Variants in WDR70 observed in about 807,000 individuals in gnomAD.
WDR70 encodes the protein WD repeat-containing protein 70.
WDR70 carries 53 observed loss-of-function variants against 88.6 expected under a neutral mutation model. That is an observed-to-expected ratio of 0.60 (90% confidence interval 0.48 to 0.75). WDR70 has a LOEUF of 0.75. WDR70 is among the 30% of genes least tolerant of loss of function. The pLI is 0.00. For missense variants in WDR70, 610 were observed against 823.2 expected (o/e 0.74, Z 3.17); for synonymous variants, 280 against 270.0 (o/e 1.04, Z -0.36).
chr5:37,451,829 A>G (rs1418539803), intron 7 of WDR70, among the ~76,000 whole-genome samples: 2 of 152,112 alleles, frequency 1.3e-5, no homozygotes, highest in Non-Finnish European at 2.9e-5. Context: ...CCCCATCTCT[A>G]CTAAAAATAC....
intron 9 of WDR70, among the ~76,000 whole-genome samples, chr5:37,557,960 A>AAAACTCTTCAAAAGAGTAC (rs1561900824): frequency 5.6e-5 from 1 of 17,816 alleles, no homozygotes; most frequent in Non-Finnish European, 1.2e-4. Flanking sequence ...AAAGAGTATT[A>AAAACTCTTCAAAAGAGTAC]TGTATATTTA....
intron 9 of WDR70, among the ~76,000 whole-genome samples, chr5:37,580,952 G>T (rs1402197963): frequency 6.6e-6 from 1 of 152,192 alleles, no homozygotes; most frequent in African/African-American, 2.4e-5. Context: ...CCATGGGAAG[G>T]TTAGGGTGAA....
At chr5:37,480,178 C>T (rs983600923) in intron 8 of WDR70, among the ~76,000 whole-genome samples, 191 bp downstream of exon 8, 1 of 152,188 alleles carries the variant, frequency 6.6e-6, no homozygotes, top group Non-Finnish European at 1.5e-5. Context: ...ACTAGGATCG[C>T]TGTAAGATAC....
chr5:37,729,867 CT>C (rs1224215048), intron 17 of WDR70, among the ~76,000 whole-genome samples: 1 of 152,088 alleles, frequency 6.6e-6, no homozygotes, highest in Non-Finnish European at 1.5e-5. Context: ...TTCCTGCTCC[CT>C]TTTCCTATTC....
chr5:37,737,246 C>T (rs1748328596), intron 17 of WDR70, among the ~76,000 whole-genome samples: 1 of 152,098 alleles, frequency 6.6e-6, no homozygotes, highest in Non-Finnish European at 1.5e-5. Context: ...TTATTGTCCC[C>T]ATTTTACCGA....
At chr5:37,751,439 C>T (rs1287482442) in intron 17 of WDR70, among the ~76,000 whole-genome samples, 1 of 152,118 alleles carries the variant, frequency 6.6e-6, no homozygotes. Flanking sequence ...AACTTATTCA[C>T]GAGCAATTCT....
At chr5:37,444,322 G>A (rs56262209) in intron 7 of WDR70, among the ~76,000 whole-genome samples, 124,278 of 145,782 alleles carry the variant, frequency 0.85, 56,559 homozygotes, top group East Asian at 1. Context: ...TTGCTACAAT[G>A]AGCCAGCCTT....
intron 10 of WDR70, among the ~76,000 whole-genome samples, chr5:37,688,991 A>C (rs1464753654): frequency 3.3e-5 from 5 of 152,178 alleles, no homozygotes; most frequent in Non-Finnish European, 7.3e-5. Flanking sequence ...CAAATACTGC[A>C]CTTTTCCCAA....
At chr5:37,400,407 T>G (rs1749155358) in intron 5 of WDR70, among the ~76,000 whole-genome samples, 1 of 152,240 alleles carries the variant, frequency 6.6e-6, no homozygotes, top group African/African-American at 2.4e-5. Context: ...TTATCTTTGC[T>G]TGATTTTATC....
chr5:37,598,299 C>T (rs775598536), intron 9 of WDR70, among the ~76,000 whole-genome samples: 17 of 152,054 alleles, frequency 1.1e-4, no homozygotes, highest in Admixed American at 2.0e-4. Context: ...TATGAAAGAC[C>T]ACACACAGAC....
At chr5:37,648,746 T>C (rs899608653) in intron 10 of WDR70, among the ~76,000 whole-genome samples, 2 of 152,152 alleles carry the variant, frequency 1.3e-5, no homozygotes, top group Non-Finnish European at 2.9e-5. Context: ...AAAATAAGTT[T>C]GTCTTCTTTA....
intron 5 of WDR70, among the ~76,000 whole-genome samples, chr5:37,424,639 G>T (rs1422539023): frequency 6.6e-6 from 1 of 152,012 alleles, no homozygotes; most frequent in Non-Finnish European, 1.5e-5. Context: ...TGGACTCCTG[G>T]ACTCGAGCAG....
Position 37,380,917 on chromosome 5 carries a change from C to T in WDR70, c.92-685C>T, listed in dbSNP as rs150895269. On this transcript the variant is annotated intron_variant, in intron 2 of 17. Coordinates refer to ENST00000265107, the MANE Select transcript of WDR70 (RefSeq NM_018034.4). ...CCACCTGAGCCTCTCAAAGTGATTA[C>T]AGGCATGAGCCACCCCACCCGGTAT... Among the ~76,000 whole-genome samples, 1,369 of 152,304 alleles carry T rather than the reference C, an allele frequency of 9.0e-3. 24 individuals are homozygous for T. The highest frequency in any genetic ancestry group is 0.032 in the African/African-American group (1,313 of 41,572).
intron 8 of WDR70, among the ~76,000 whole-genome samples, chr5:37,492,369 G>T (rs1381902873): frequency 5.3e-5 from 8 of 152,160 alleles, no homozygotes; most frequent in Non-Finnish European, 7.3e-5. Flanking sequence ...TTTCAGAATT[G>T]CTACACCCAA....
chr5:37,525,529 A>G (rs1404641075), intron 9 of WDR70, among the ~76,000 whole-genome samples: 1 of 152,350 alleles, frequency 6.6e-6, no homozygotes, highest in East Asian at 1.9e-4. Context: ...AGAAAGCAGG[A>G]AATATCGTAA....
At chr5:37,721,410 A>T in intron 14 of WDR70, 195 bp downstream of exon 14, 1 of 587,364 alleles carries the variant, frequency 1.7e-6, no homozygotes, top group South Asian at 2.2e-5. Flanking sequence ...CTTGATCCAC[A>T]CTGAATTCAA....
intron 9 of WDR70, among the ~76,000 whole-genome samples, chr5:37,522,395 C>T (rs916338577): frequency 6.9e-6 from 1 of 145,534 alleles, no homozygotes; most frequent in African/African-American, 2.5e-5. Flanking sequence ...CACTTGAACC[C>T]AGGAGGTGGA....
chr5:37,732,621 A>G (rs1720977551), intron 17 of WDR70, among the ~76,000 whole-genome samples: 1 of 152,116 alleles, frequency 6.6e-6, no homozygotes, highest in South Asian at 2.1e-4. Context: ...AAAAGATGCT[A>G]AAAGGAGCTT....
chr5:37,681,356 G>A (rs1746430877), intron 10 of WDR70, among the ~76,000 whole-genome samples: 1 of 152,074 alleles, frequency 6.6e-6, no homozygotes, highest in African/African-American at 2.4e-5. Flanking sequence ...TCTAGATATA[G>A]AATCATGTTG....
Sources: gnomAD v4.1 joint callset for allele counts (sites outside exome capture counted in the v4.1 genomes callset) on GRCh38, gnomAD v4.1.1 for gene constraint, MANE v1.5 for transcripts, NCBI Gene and HGNC (gene_info 2026-07-23, HGNC 2026-07-21) for gene names.